Variants in IFT80 observed in about 807,000 individuals in gnomAD.
IFT80 encodes intraflagellar transport 80.
IFT80 carries 79 observed loss-of-function variants against 107.9 expected under a neutral mutation model. The ratio of observed to expected loss-of-function variants is 0.73; its 90% CI spans 0.61 to 0.88. IFT80 has a LOEUF of 0.88. Among genes scored for constraint, IFT80 ranks in the 40% least tolerant of loss-of-function variants. The pLI, the probability that IFT80 is intolerant of heterozygous loss-of-function variation, is 0.00. For synonymous variants in IFT80, 299 were observed against 300.9 expected (o/e 0.99, Z 0.07); for missense variants, 797 against 914.2 (o/e 0.87, Z 1.65).
In IFT80 at chr3:160,304,435, C is replaced by CTT. The variant is rs869204306; in HGVS notation, c.1077-448_1077-447dup. The stretch of plus-strand genomic sequence containing the variant: ...CCACCTGTCAGCCACTTGATTTTTT[C>CTT]TTTTTTTTTTTTTTTTTTGAGATGG... On this transcript the variant is annotated intron_variant, in intron 10 of 19. Transcript: ENST00000326448. Among the ~76,000 whole-genome samples the CTT allele has an allele frequency of 1.8e-3, 232 of 129,170 alleles. 1 individual carries two copies. Among genetic ancestry groups the CTT allele is most frequent in the Non-Finnish European group, 2.6e-3 (159 of 60,674 alleles). The allele number at this position is 129,170 out of a possible 152,430, so 84.7% of individuals were successfully genotyped here.
chr3:160,304,238 G>A (rs956557439), intron 10 of IFT80, among the ~76,000 whole-genome samples: 6 of 152,098 alleles, frequency 3.9e-5, no homozygotes, highest in Non-Finnish European at 8.8e-5. Flanking sequence ...GTTTACTGTA[G>A]GTATTACAAC....
At chr3:160,330,913 G>A (rs568512976) in intron 8 of IFT80, among the ~76,000 whole-genome samples, 2 of 152,120 alleles carry the variant, frequency 1.3e-5, no homozygotes, top group African/African-American at 4.8e-5. Context: ...ACAGGGATAG[G>A]TTCCAAGACC....
chr3:160,377,348 T>C, intron 4 of IFT80, 82 bp downstream of exon 4: 2 of 807,158 alleles, frequency 2.5e-6, no homozygotes, highest in South Asian at 1.4e-5. Flanking sequence ...AAAGACACTA[T>C]TGCTAAATGA....
Position 160,357,569 on chromosome 3 carries a change from G to A in IFT80, c.559C>T (p.His187Tyr), listed in dbSNP as rs748575525. 1 of 1,592,622 alleles carries A rather than the reference G, an allele frequency of 6.3e-7. No individual in the cohort carries two copies. The highest frequency in any genetic ancestry group is 8.6e-7 in the Non-Finnish European group (1 of 1,161,358). ...TCTACTTTTAAAATAATGCCATCAT[G>A]AGCTTTCCACTGTGAGAAAAAAGAA... ...PNAKVLQWKA[H>Y]DGIILKVDWN... The change falls in exon 7 of 20, where the codon CAT becomes TAT. Residue 187 changes from histidine (H) to tyrosine (Y), a missense_variant. Coordinates refer to ENST00000326448, the MANE Select transcript of IFT80 (RefSeq NM_020800.3).
chr3:160,332,005 T>C (rs748481432), intron 8 of IFT80, among the ~76,000 whole-genome samples: 4 of 143,316 alleles, frequency 2.8e-5, no homozygotes, highest in East Asian at 4.0e-4. Flanking sequence ...ATATGTCCTA[T>C]AAAATTTCCC....
chr3:160,336,557 G>A (rs1030925543), intron 8 of IFT80, among the ~76,000 whole-genome samples: 9 of 150,768 alleles, frequency 6.0e-5, no homozygotes, highest in African/African-American at 2.2e-4. Flanking sequence ...TTTTATTTTT[G>A]TTTTATCCTC....
intron 8 of IFT80, among the ~76,000 whole-genome samples, chr3:160,336,816 G>C (rs1719514205): frequency 6.6e-6 from 1 of 151,982 alleles, no homozygotes; most frequent in Non-Finnish European, 1.5e-5. Context: ...ATATATTTTA[G>C]TATTCAGGAA....
chr3:160,299,198 A>T, intron 12 of IFT80: 1 of 1,107,648 alleles, frequency 9.0e-7, no homozygotes, highest in South Asian at 2.2e-5. Context: ...ATATTATTCC[A>T]TTCTGTTTTC....
rs76876104 is a variant in IFT80, at chr3:160,331,720, A to C, written c.778-11781T>G. The stretch of plus-strand genomic sequence containing the variant: ...CTGTCATCCATGCTGGAGTACAGTG[A>C]TGCAATAATAGCTTACTCTAGCCTC... On this transcript the variant is annotated intron_variant, in intron 8 of 19. Transcript: ENST00000326448. Among the ~76,000 whole-genome samples the C allele has an allele frequency of 5.5e-3, 839 of 152,098 alleles. 7 individuals carry two copies. The highest frequency in any genetic ancestry group is 0.019 in the African/African-American group (808 of 41,494).
Position 160,375,991 on chromosome 3 carries a change from T to A in IFT80, c.371-111A>T, listed in dbSNP as rs1421432182. The stretch of plus-strand genomic sequence containing the variant: ...ATCTACCGCATATTCTTTTTTCTTC[T>A]AGGCTTCCTGAAATCATGGAATATT... On this transcript the variant is annotated intron_variant, in intron 4 of 19. Transcript: ENST00000326448. The A allele has an allele frequency of 7.5e-5, 53 of 703,242 alleles. No homozygotes were observed. The South Asian group carries it at 8.6e-4, about 11-fold the overall frequency. The allele number at this position is 703,242 out of a possible 1,614,324, so 43.6% of individuals were successfully genotyped here.
At chr3:160,301,773 T>C (rs1404730353) in intron 11 of IFT80, among the ~76,000 whole-genome samples, 1 of 151,958 alleles carries the variant, frequency 6.6e-6, no homozygotes. Flanking sequence ...ATGAATATTG[T>C]ACAAAATAAT....
chr3:160,262,805 G>T (rs1446482667), intron 19 of IFT80, among the ~76,000 whole-genome samples: 1 of 152,106 alleles, frequency 6.6e-6, no homozygotes, highest in Non-Finnish European at 1.5e-5. Context: ...ATATTTTGGG[G>T]TGTCATATTT....
At chr3:160,287,861 G>C (rs1186518746) in intron 12 of IFT80, among the ~76,000 whole-genome samples, 2 of 152,172 alleles carry the variant, frequency 1.3e-5, no homozygotes, top group Non-Finnish European at 2.9e-5. Flanking sequence ...TGAATGTGTT[G>C]GGAAAGATAT....
At chr3:160,357,929 A>G (rs966455045) in intron 6 of IFT80, among the ~76,000 whole-genome samples, 1 of 152,346 alleles carries the variant, frequency 6.6e-6, no homozygotes, top group Non-Finnish European at 1.5e-5. Context: ...TGTCAACTGA[A>G]TCCAAATCTT....
chr3:160,372,637 G>C (rs544925352), intron 5 of IFT80, among the ~76,000 whole-genome samples: 1 of 152,170 alleles, frequency 6.6e-6, no homozygotes, highest in Non-Finnish European at 1.5e-5. Context: ...GAAATACCAA[G>C]AGGTTAGCCA....
intron 13 of IFT80, among the ~76,000 whole-genome samples, 166 bp downstream of exon 13, chr3:160,285,638 G>A (rs367996561): frequency 6.6e-6 from 1 of 152,052 alleles, no homozygotes; most frequent in Non-Finnish European, 1.5e-5. Context: ...CCAGTGCTTA[G>A]TCTTTAACTG....
At chr3:160,390,912 G>A (rs1713333977) in intron 1 of IFT80, among the ~76,000 whole-genome samples, 1 of 152,212 alleles carries the variant, frequency 6.6e-6, no homozygotes, top group African/African-American at 2.4e-5. Flanking sequence ...CTAAAACACA[G>A]AAGAGGTGAA....
chr3:160,356,886 T>C (rs1482105964), intron 7 of IFT80, among the ~76,000 whole-genome samples: 2 of 152,212 alleles, frequency 1.3e-5, no homozygotes, highest in Non-Finnish European at 2.9e-5. Context: ...TAAAAGTATT[T>C]ATTTCAATTT....
chr3:160,335,254 G>T (rs1213114635), intron 8 of IFT80, among the ~76,000 whole-genome samples: 18 of 146,602 alleles, frequency 1.2e-4, no homozygotes, highest in Non-Finnish European at 4.5e-5. Flanking sequence ...TTTTTGAGAC[G>T]GAGTCTTGCT....
Sources: gnomAD v4.1 joint callset for allele counts (sites outside exome capture counted in the v4.1 genomes callset) on GRCh38, gnomAD v4.1.1 for gene constraint, MANE v1.5 for transcripts, NCBI Gene and HGNC (gene_info 2026-07-23, HGNC 2026-07-21) for gene names.